Variants in HDAC9 observed in about 807,000 individuals in gnomAD.
HDAC9 encodes MEF-2 interacting transcription repressor (MITR) protein.
In HDAC9, 41 loss-of-function variants were observed where a neutral mutation model predicts 139.4. The observed-to-expected ratio is 0.29, with a 90% CI of 0.23 to 0.38. The LOEUF (loss-of-function observed/expected upper bound fraction) is 0.38. Among genes scored for constraint, HDAC9 ranks in the 10% least tolerant of loss-of-function variants. HDAC9 has a pLI of 1.00. For missense variants in HDAC9, 1,147 were observed against 1,297.0 expected (o/e 0.88, Z 1.78); for synonymous variants, 517 against 476.2 (o/e 1.09, Z -1.12).
intron 2 of HDAC9, among the ~76,000 whole-genome samples, chr7:18,183,745 A>G (rs557485286): frequency 6.6e-6 from 1 of 152,164 alleles, no homozygotes; most frequent in Non-Finnish European, 1.5e-5. Flanking sequence ...TTGGCCTCCC[A>G]AAGTGTTGTG....
intron 2 of HDAC9, among the ~76,000 whole-genome samples, chr7:18,281,153 A>G (rs934228987): frequency 6.6e-6 from 1 of 152,200 alleles, no homozygotes; most frequent in South Asian, 2.1e-4. Context: ...TTAGTCTAAG[A>G]TGATACAAGG....
intron 1 of HDAC9, among the ~76,000 whole-genome samples, chr7:18,425,147 TC>T (rs1459926663): frequency 6.6e-6 from 1 of 152,218 alleles, no homozygotes; most frequent in Non-Finnish European, 1.5e-5. Context: ...CTTGGCTTTT[TC>T]TGAAGTTAAT....
intron 24 of HDAC9, among the ~76,000 whole-genome samples, chr7:18,963,973 A>T (rs1307678390): frequency 1.3e-5 from 2 of 152,106 alleles, no homozygotes; most frequent in Non-Finnish European, 2.9e-5. Flanking sequence ...AATCTACCTT[A>T]CCAACAATCC....
intron 24 of HDAC9, among the ~76,000 whole-genome samples, chr7:18,973,959 CT>C (rs745729335): frequency 1.3e-5 from 2 of 152,140 alleles, no homozygotes; most frequent in Non-Finnish European, 2.9e-5. Flanking sequence ...AAAATGCCCC[CT>C]GATCATCCTC....
chr7:18,830,718 A>G (rs1161453302), intron 19 of HDAC9, among the ~76,000 whole-genome samples: 4 of 152,226 alleles, frequency 2.6e-5, no homozygotes. Context: ...GCATTCCTGC[A>G]AGCACTTTGG....
intron 11 of HDAC9, among the ~76,000 whole-genome samples, chr7:18,660,828 A>C (rs1250203449): frequency 2.0e-5 from 3 of 152,096 alleles, no homozygotes; most frequent in Non-Finnish European, 4.4e-5. Flanking sequence ...GGAGCATGTG[A>C]GAAAGAGAGA....
chr7:18,329,287 A>G (rs1291808756), intron 1 of HDAC9, among the ~76,000 whole-genome samples: 1 of 151,746 alleles, frequency 6.6e-6, no homozygotes, highest in East Asian at 1.9e-4. Context: ...TTTATATTTC[A>G]AAATTATTGG....
chr7:18,961,431 C>G (rs1243163210), intron 24 of HDAC9, among the ~76,000 whole-genome samples: 1 of 151,962 alleles, frequency 6.6e-6, no homozygotes, highest in Admixed American at 6.6e-5. Flanking sequence ...TGATCAGCTC[C>G]CACGATAGGA....
At chr7:18,239,849 G>T (rs1794071294) in intron 2 of HDAC9, among the ~76,000 whole-genome samples, 1 of 151,956 alleles carries the variant, frequency 6.6e-6, no homozygotes, top group Non-Finnish European at 1.5e-5. Context: ...TCCAAGGTAA[G>T]TAGGCAAATA....
chr7:18,991,578 A>T (rs1785965998), intron 25 of HDAC9, among the ~76,000 whole-genome samples: 1 of 152,010 alleles, frequency 6.6e-6, no homozygotes, highest in South Asian at 2.1e-4. Flanking sequence ...CGGAGCTTGC[A>T]GTGAGCGGAG....
chr7:18,585,012 A>G (rs1010653656), intron 2 of HDAC9, among the ~76,000 whole-genome samples: 18 of 152,140 alleles, frequency 1.2e-4, no homozygotes, highest in Non-Finnish European at 1.8e-4. Context: ...ATACCAGTAA[A>G]CAATTGAAGT....
chr7:18,885,919 C>A (rs974256395), intron 22 of HDAC9, among the ~76,000 whole-genome samples: 5 of 152,128 alleles, frequency 3.3e-5, no homozygotes, highest in Admixed American at 2.0e-4. Flanking sequence ...CAGTATGTCT[C>A]TTTGTTATAT....
At chr7:18,365,107 A>G (rs146409061) in intron 1 of HDAC9, among the ~76,000 whole-genome samples, 5 of 152,248 alleles carry the variant, frequency 3.3e-5, no homozygotes, top group Non-Finnish European at 5.9e-5. Context: ...TAGTGCAAAG[A>G]TGGAAAGAGT....
At chr7:18,499,119 A>C (rs909405381) in intron 2 of HDAC9, among the ~76,000 whole-genome samples, 6 of 151,808 alleles carry the variant, frequency 4.0e-5, no homozygotes. Flanking sequence ...GAAATGTCTC[A>C]TTATGTAATA....
At chr7:18,249,371 C>G (rs1794767559) in intron 2 of HDAC9, among the ~76,000 whole-genome samples, 1 of 151,728 alleles carries the variant, frequency 6.6e-6, no homozygotes, top group African/African-American at 2.4e-5. Context: ...GGTGTGGTGG[C>G]ACGTGTCTGT....
At chr7:18,422,649 G>A (rs1027639786) in intron 1 of HDAC9, among the ~76,000 whole-genome samples, 2 of 151,906 alleles carry the variant, frequency 1.3e-5, no homozygotes, top group African/African-American at 4.8e-5. Context: ...TAGGTCATGG[G>A]AAAGGAAGGA....
Position 18,664,919 on chromosome 7 carries a change from A to G in HDAC9, c.1468-1294A>G, listed in dbSNP as rs115548538. 1.9e-3 allele frequency among the ~76,000 whole-genome samples: 289 copies of G among 152,284 alleles called. 1 individual carries two copies. The highest frequency in any genetic ancestry group is 6.8e-3 in the African/African-American group (281 of 41,582). On this transcript the variant is annotated intron_variant, in intron 11 of 25. Transcript: ENST00000686413. ...ATGCTTAGCATGGTGTCTTGAACAT[A>G]GTTGGCACTCAGTAAATATTTGTTG...
intron 22 of HDAC9, among the ~76,000 whole-genome samples, chr7:18,902,895 T>C (rs1299826194): frequency 6.6e-6 from 1 of 152,184 alleles, no homozygotes; most frequent in Non-Finnish European, 1.5e-5. Flanking sequence ...TTCCTTTGAG[T>C]GTTTTCTAAT....
intron 12 of HDAC9, among the ~76,000 whole-genome samples, chr7:18,722,492 A>G (rs939488506): frequency 1.2e-4 from 18 of 152,204 alleles, no homozygotes; most frequent in Non-Finnish European, 2.4e-4. Context: ...AGATGTATAA[A>G]CATGAATAAA....
Sources: allele counts gnomAD v4.1 joint callset (sites outside exome capture counted in the v4.1 genomes callset), GRCh38; gene constraint gnomAD v4.1.1; transcripts MANE v1.5; gene names NCBI Gene and HGNC (gene_info 2026-07-23, HGNC 2026-07-21).